COL5A1: variants seen among roughly 807,000 people sequenced by gnomAD.
The protein encoded by COL5A1 is collagen type V alpha 1 chain.
In COL5A1, 16 loss-of-function variants were observed where a neutral mutation model predicts 263.7. The ratio of observed to expected loss-of-function variants is 0.06; its 90% CI spans 0.04 to 0.09. COL5A1 has a LOEUF of 0.09. COL5A1 is among the 10% of genes least tolerant of loss of function. COL5A1 has a pLI of 1.00. For synonymous variants in COL5A1, 1,012 were observed against 1,004.5 expected, an observed-to-expected ratio of 1.01 and a Z score of -0.14; for missense variants, 2,036 against 2,540.5, an observed-to-expected ratio of 0.80 and a Z score of 4.27.
At position 134,834,735 on chromosome 9, in the gene COL5A1, AGTGG is replaced by A. The variant is rs535598388; in HGVS notation, c.5137-231_5137-228del. Among the ~76,000 whole-genome samples, 326 of 152,208 alleles carry A rather than the reference AGTGG, an allele frequency of 2.1e-3. 2 individuals are homozygous for A. The Middle Eastern group carries it at 0.041, about 19-fold the overall frequency. On this transcript the variant is annotated intron_variant, in intron 64 of 65. Transcript: ENST00000371817. Reference sequence around the variant, plus strand: ...TGAAGGATAAGCATAAGCCAAGAGAAGTGGGTGGATTATTTAAGGCCCTGAAGGA... The same window carrying A: ...TGAAGGATAAGCATAAGCCAAGAGAAGTGGATTATTTAAGGCCCTGAAGGA...
chr9:134,769,878 C>A (rs7866781), intron 25 of COL5A1, among the ~76,000 whole-genome samples: 48,475 of 151,754 alleles, frequency 0.32, 8,047 homozygotes, highest in East Asian at 0.41. Flanking sequence ...CACCTTCCTG[C>A]CAAGATCATT....
In COL5A1 at chr9:134,731,670, G is replaced by A. The variant is rs1834886446; in HGVS notation, c.1332+7G>A. The stretch of plus-strand genomic sequence containing the variant: ...GGATACCATCTATGAAGGGGTGAGA[G>A]GGTGCAGGCCCCCGTTCCGGGTGGG... On this transcript the variant is annotated splice_region_variant and intron_variant, in intron 8 of 65. Transcript: ENST00000371817. 2.5e-6 allele frequency: 4 copies of A among 1,610,106 alleles called. No homozygotes were observed. The highest frequency in any genetic ancestry group is 1.1e-5 in the South Asian group (1 of 90,900).
intron 19 of COL5A1, 100 bp from the exon 20 acceptor site, chr9:134,763,593 A>G: frequency 8.1e-7 from 1 of 1,231,896 alleles, no homozygotes; most frequent in East Asian, 2.4e-5. Context: ...GCGTATGTGA[A>G]GCAGCCCCAA....
chr9:134,811,669 C>T (rs1489465311), intron 46 of COL5A1, 70 bp downstream of exon 46: 1 of 1,275,136 alleles, frequency 7.8e-7, no homozygotes, highest in African/African-American at 1.5e-5. Flanking sequence ...ATTGTGCTCT[C>T]TCCTCTTGTC....
At chr9:134,646,493 C>A (rs546540915) in intron 1 of COL5A1, among the ~76,000 whole-genome samples, 1 of 152,356 alleles carries the variant, frequency 6.6e-6, no homozygotes, top group South Asian at 2.1e-4. Context: ...TCCCAGAGCT[C>A]TCCTGGGCGG....
rs143357404 is a variant in COL5A1, at chr9:134,687,768, T to C, written c.110-3144T>C. ...CTGGGAACTGCTGGTGATGGGCCCC[T>C]GCCTGGCTGTCTAGGAGAAAAGGGC... On this transcript the variant is annotated intron_variant, in intron 1 of 65. Coordinates refer to ENST00000371817, the MANE Select transcript of COL5A1 (RefSeq NM_000093.5). Among the ~76,000 whole-genome samples, 416 of 152,312 alleles carry C rather than the reference T, an allele frequency of 2.7e-3. 2 individuals are homozygous for C. The highest frequency in any genetic ancestry group is 9.6e-3 in the African/African-American group (398 of 41,578).
intron 63 of COL5A1, among the ~76,000 whole-genome samples, chr9:134,828,701 CCA>C (rs1238562168): frequency 2.3e-3 from 1 of 432 alleles, no homozygotes; most frequent in Non-Finnish European, 6.4e-3. Flanking sequence ...ATACCACATA[CCA>C]CACATAGATA....
rs1001367723 is a variant in COL5A1, at chr9:134,765,788, C to T, written c.2088+54C>T. The T allele has an allele frequency of 9.2e-5, 137 of 1,483,670 alleles. No homozygotes were observed. The highest frequency in any genetic ancestry group is 1.2e-4 in the Non-Finnish European group (127 of 1,073,050). 91.9% of individuals were successfully genotyped at this position (1,483,670 alleles called of 1,614,324 possible). The stretch of plus-strand genomic sequence containing the variant: ...GCCCCCATCTCGGCCTTTGAGACCC[C>T]GCCTCCCAGCCGGTGGACGCTTGGG... On this transcript the variant is annotated intron_variant, in intron 21 of 65. Coordinates refer to ENST00000371817, the MANE Select transcript of COL5A1 (RefSeq NM_000093.5). This position sits in a 1 kb window ranked among gnomAD's most constrained non-coding sequence, Gnocchi z 5.1.
At chr9:134,834,826 G>T in intron 64 of COL5A1, 145 bp from the exon 65 acceptor site, 1 of 660,082 alleles carries the variant, frequency 1.5e-6, no homozygotes, top group Non-Finnish European at 2.7e-6. Context: ...CGCTGGCCTC[G>T]GCCGGGTCTG....
intron 64 of COL5A1, among the ~76,000 whole-genome samples, chr9:134,830,511 G>C (rs564611696): frequency 6.6e-6 from 1 of 152,338 alleles, no homozygotes; most frequent in East Asian, 1.9e-4. Flanking sequence ...CGCTCCAGAA[G>C]CAGGAGCGCT....
chr9:134,670,391 G>A (rs1832503247), intron 1 of COL5A1, among the ~76,000 whole-genome samples: 1 of 152,210 alleles, frequency 6.6e-6, no homozygotes, highest in Admixed American at 6.5e-5. Context: ...CTGAGCAACT[G>A]TGCCCCAGGC....
intron 5 of COL5A1, among the ~76,000 whole-genome samples, chr9:134,727,692 AT>A (rs1372779550): frequency 2.6e-5 from 4 of 152,154 alleles, no homozygotes; most frequent in African/African-American, 9.7e-5. Context: ...TTGATGGGGT[AT>A]TTGTGAGCAC....
rs781174331 is a variant in COL5A1, at chr9:134,796,921, C to T, written c.2898+20C>T. The T allele has an allele frequency of 2.0e-5, 32 of 1,611,582 alleles. No homozygotes were observed. The highest frequency in any genetic ancestry group is 2.6e-5 in the Non-Finnish European group (31 of 1,178,208). On this transcript the variant is annotated intron_variant, in intron 36 of 65. Coordinates refer to ENST00000371817, the MANE Select transcript of COL5A1 (RefSeq NM_000093.5). Reference sequence around the variant, plus strand: ...CCCCCTGTAAGTAATGGCTTCCTTGCTGGGCCAGCACTGCCTGTCCCCTCC... The same window carrying T: ...CCCCCTGTAAGTAATGGCTTCCTTGTTGGGCCAGCACTGCCTGTCCCCTCC...
chr9:134,824,877 G>C lies in COL5A1; in HGVS notation c.4954+22G>C, dbSNP rs753700681. ...GATGGTGAGGGCCTGGGGGGGCAGG[G>C]GTGGCCCCCCAAAGCGGGCATGGAC... On this transcript the variant is annotated intron_variant, in intron 62 of 65. Coordinates refer to ENST00000371817, the MANE Select transcript of COL5A1 (RefSeq NM_000093.5). 5 of 1,602,340 alleles carry C rather than the reference G, an allele frequency of 3.1e-6. No individual in the cohort carries two copies. The African/African-American group carries it at 6.7e-5, about 21-fold the overall frequency.
chr9:134,828,388 G>A (rs1400616785), intron 63 of COL5A1, among the ~76,000 whole-genome samples: 1 of 152,044 alleles, frequency 6.6e-6, no homozygotes, highest in African/African-American at 2.4e-5. Flanking sequence ...GCAGGCAGCC[G>A]AGGAGCAGCC....
intron 42 of COL5A1, among the ~76,000 whole-genome samples, chr9:134,807,809 T>C (rs762359927): frequency 3.7e-4 from 57 of 152,348 alleles, no homozygotes; most frequent in Non-Finnish European, 6.3e-4. Context: ...GCCAGAAAAC[T>C]GAAGCCAACT....
chr9:134,700,099 G>A lies in COL5A1; in HGVS notation c.468G>A (p.Arg156=). The A allele has an allele frequency of 1.2e-6, 2 of 1,607,992 alleles. No homozygotes were observed. Among genetic ancestry groups the A allele is most frequent in the Non-Finnish European group, 1.7e-6 (2 of 1,179,982 alleles). Residue 156 remains arginine (R), a synonymous_variant, in exon 3 of 66, where the codon CGG becomes CGA. Transcript: ENST00000371817. The surrounding 1 kb of genome is among the most constrained non-coding windows in gnomAD (Gnocchi z 4.0). ...GCCCGGAAGACTACCCCCTCTTCCG[G>A]GGCATCAACCTGTCAGATGGCAAGT... ...KPGPEDYPLF[R]GINLSDGKWH...
chr9:134,679,958 C>A (rs1832806407), intron 1 of COL5A1, among the ~76,000 whole-genome samples: 1 of 151,978 alleles, frequency 6.6e-6, no homozygotes. Flanking sequence ...AGTCAGTCCA[C>A]CCCGGGAGTG....
intron 25 of COL5A1, among the ~76,000 whole-genome samples, chr9:134,770,921 C>T (rs140802179): frequency 0.017 from 2,587 of 152,336 alleles, 22 homozygotes; most frequent in Middle Eastern, 0.044. Context: ...TGCTTCCCCC[C>T]ACTGCTTTAC....
Sources: gnomAD v4.1 joint callset for allele counts (sites outside exome capture counted in the v4.1 genomes callset) on GRCh38, gnomAD v4.1.1 for gene constraint, Gnocchi (gnomAD v3.1) non-coding constraint, MANE v1.5 for transcripts, NCBI Gene and HGNC (gene_info 2026-07-23, HGNC 2026-07-21) for gene names.